The following SAMTOR variants were observed in gnomAD, a reference collection of about 807,000 sequenced individuals.
SAMTOR encodes S-adenosylmethionine sensor upstream of mTORC1, also known as UPF0532 protein C7orf60.
At chr7:112,834,199 T>A in the SAMTOR span, among the ~76,000 whole-genome samples, 1 of 152,158 alleles carries the variant, frequency 6.6e-6, no homozygotes, top group Non-Finnish European at 1.5e-5. Flanking sequence ...AGAATTAACA[T>A]CTTTACAATA....
At chr7:112,918,251 G>A in the SAMTOR span, among the ~76,000 whole-genome samples, 37 of 152,270 alleles carry the variant, frequency 2.4e-4, no homozygotes, top group African/African-American at 4.6e-4. Flanking sequence ...CGGATCTCTC[G>A]GCAGAAACTC....
At chr7:112,921,184 TG>T in the SAMTOR span, among the ~76,000 whole-genome samples, 1 of 152,188 alleles carries the variant, frequency 6.6e-6, no homozygotes, top group Non-Finnish European at 1.5e-5. Context: ...TCACGCTACC[TG>T]ACTTCAAACT....
the SAMTOR span, among the ~76,000 whole-genome samples, chr7:112,898,993 A>G: frequency 1.3e-5 from 2 of 152,344 alleles, no homozygotes; most frequent in South Asian, 4.1e-4. Flanking sequence ...TCCAGATTAC[A>G]AAGACTGGAA....
the SAMTOR span, among the ~76,000 whole-genome samples, chr7:112,930,779 A>G: frequency 6.6e-6 from 1 of 152,208 alleles, no homozygotes; most frequent in Admixed American, 6.5e-5. Flanking sequence ...TATAATACCA[A>G]TCCATTGAGG....
the SAMTOR span, among the ~76,000 whole-genome samples, chr7:112,869,159 T>TG: frequency 4.0e-5 from 6 of 151,258 alleles, no homozygotes; most frequent in African/African-American, 1.5e-4. Flanking sequence ...ATTCGGAGAG[T>TG]GGGGGTAATC....
At chr7:112,895,202 C>G in the SAMTOR span, among the ~76,000 whole-genome samples, 1 of 151,148 alleles carries the variant, frequency 6.6e-6, no homozygotes, top group African/African-American at 2.4e-5. Context: ...TTACATATTA[C>G]ATTGTACATT....
At chr7:112,825,290 ATGC>A in the SAMTOR span, among the ~76,000 whole-genome samples, 3 of 151,988 alleles carry the variant, frequency 2.0e-5, no homozygotes, top group Admixed American at 2.0e-4. Flanking sequence ...GCCTCCCAAA[ATGC>A]TGCGGTTACA....
chr7:112,886,228 G>A, the SAMTOR span, among the ~76,000 whole-genome samples: 1 of 152,180 alleles, frequency 6.6e-6, no homozygotes. Flanking sequence ...ACATTTGGGT[G>A]AGGACACGGC....
chr7:112,887,771 T>C, the SAMTOR span, among the ~76,000 whole-genome samples: 1 of 152,314 alleles, frequency 6.6e-6, no homozygotes, highest in Non-Finnish European at 1.5e-5. Flanking sequence ...TTACTATTGA[T>C]GGAATCAGTA....
chr7:112,841,740 A>G, the SAMTOR span, among the ~76,000 whole-genome samples: 2 of 152,114 alleles, frequency 1.3e-5, no homozygotes, highest in African/African-American at 4.8e-5. Flanking sequence ...ATACAGACCA[A>G]TGGAACAGAA....
the SAMTOR span, among the ~76,000 whole-genome samples, chr7:112,933,633 G>A: frequency 6.6e-6 from 1 of 152,170 alleles, no homozygotes; most frequent in Non-Finnish European, 1.5e-5. Flanking sequence ...CCCAGGACGA[G>A]CACATCCTTT....
At chr7:112,898,943 T>C in the SAMTOR span, among the ~76,000 whole-genome samples, 1 of 152,212 alleles carries the variant, frequency 6.6e-6, no homozygotes. Flanking sequence ...AAACTCTGAA[T>C]GCTTAGAAGG....
At chr7:112,897,676 T>C in the SAMTOR span, among the ~76,000 whole-genome samples, 1 of 151,800 alleles carries the variant, frequency 6.6e-6, no homozygotes, top group Non-Finnish European at 1.5e-5. Flanking sequence ...ATTGAAAAAA[T>C]AAAAATCTGA....
chr7:112,888,989 T>C, the SAMTOR span, among the ~76,000 whole-genome samples: 1 of 152,146 alleles, frequency 6.6e-6, no homozygotes, highest in Non-Finnish European at 1.5e-5. Flanking sequence ...CATGATGAAA[T>C]ATTATGCAAA....
At chr7:112,896,760 TAAAC>T in the SAMTOR span, among the ~76,000 whole-genome samples, 1 of 152,068 alleles carries the variant, frequency 6.6e-6, no homozygotes, top group Non-Finnish European at 1.5e-5. Flanking sequence ...GATAAACAGA[TAAAC>T]AAAGATAGTT....
the SAMTOR span, among the ~76,000 whole-genome samples, chr7:112,892,856 A>G: frequency 6.6e-6 from 1 of 152,172 alleles, no homozygotes; most frequent in Non-Finnish European, 1.5e-5. Context: ...TTGTATTAGC[A>G]GGCACGAAAA....
the SAMTOR span, among the ~76,000 whole-genome samples, chr7:112,855,561 T>C: frequency 1.3e-5 from 2 of 152,204 alleles, no homozygotes; most frequent in Non-Finnish European, 2.9e-5. Flanking sequence ...CCTTGCTGGC[T>C]GGCTGCTGGG....
At chr7:112,869,576 A>G in the SAMTOR span, among the ~76,000 whole-genome samples, 2 of 151,902 alleles carry the variant, frequency 1.3e-5, no homozygotes, top group Non-Finnish European at 2.9e-5. Context: ...AAAAAAAAAA[A>G]CCATCCCAAT....
chr7:112,828,276 G>C, the SAMTOR span, among the ~76,000 whole-genome samples: 1 of 152,172 alleles, frequency 6.6e-6, no homozygotes, highest in Non-Finnish European at 1.5e-5. Flanking sequence ...TGGAGGCTTA[G>C]AAGTCTGAGG....
Sources: gnomAD v4.1 joint callset for allele counts (sites outside exome capture counted in the v4.1 genomes callset) on GRCh38, gnomAD v4.1.1 for gene constraint, MANE v1.5 for transcripts, NCBI Gene and HGNC (gene_info 2026-07-23, HGNC 2026-07-21) for gene names.